PCDHA13: variants seen among roughly 807,000 people sequenced by gnomAD.
PCDHA13 encodes protocadherin alpha-13.
A neutral mutation model predicts 64.8 loss-of-function variants in PCDHA13; 54 were observed. That is an observed-to-expected ratio of 0.83 (90% CI 0.67 to 1.04). The LOEUF (loss-of-function observed/expected upper bound fraction) is 1.04, where lower values mean the gene tolerates loss of function less well. Among genes scored for constraint, PCDHA13 ranks in the 50% least tolerant of loss-of-function variants. The pLI, the probability that PCDHA13 is intolerant of heterozygous loss-of-function variation, is 0.00. For missense variants in PCDHA13, 1,248 were observed against 1,254.3 expected, an observed-to-expected ratio of 0.99 and a Z score of 0.08; for synonymous variants, 587 against 564.4, an observed-to-expected ratio of 1.04 and a Z score of -0.57.
chr5:140,906,192 C>G (rs2072444836), intron 1 of PCDHA13, among the ~76,000 whole-genome samples: 1 of 152,182 alleles, frequency 6.6e-6, no homozygotes, highest in Non-Finnish European at 1.5e-5. Context: ...TCAATCCAAT[C>G]AAGTTGACAC....
chr5:140,885,516 T>A (rs1235698672), intron 1 of PCDHA13, among the ~76,000 whole-genome samples: 2 of 152,198 alleles, frequency 1.3e-5, no homozygotes, highest in Non-Finnish European at 2.9e-5. Flanking sequence ...TGCTGTGCTA[T>A]CATTTCATAT....
chr5:140,968,996 G>A, intron 1 of PCDHA13: 1 of 1,614,202 alleles, frequency 6.2e-7, no homozygotes, highest in Non-Finnish European at 8.5e-7. Flanking sequence ...ATGCTGTGGA[G>A]GCTTCTGTGG....
chr5:141,004,806 T>C (rs1326385428), intron 3 of PCDHA13, among the ~76,000 whole-genome samples: 1 of 152,196 alleles, frequency 6.6e-6, no homozygotes, highest in Non-Finnish European at 1.5e-5. Flanking sequence ...CTGAGCTCAA[T>C]TGCAGATTTG....
At chr5:140,945,200 A>G (rs2093757745) in intron 1 of PCDHA13, among the ~76,000 whole-genome samples, 1 of 152,168 alleles carries the variant, frequency 6.6e-6, no homozygotes, top group South Asian at 2.1e-4. Context: ...GCTATTTACA[A>G]TAGCTATGAG....
At chr5:141,009,295 A>T (rs782350734) in intron 3 of PCDHA13, among the ~76,000 whole-genome samples, 13 of 152,030 alleles carry the variant, frequency 8.6e-5, no homozygotes, top group Admixed American at 3.9e-4. Context: ...TTTCTATAAA[A>T]TTTTTTTTAA....
chr5:140,902,786 C>G (rs1450809375), intron 1 of PCDHA13, among the ~76,000 whole-genome samples: 1 of 151,906 alleles, frequency 6.6e-6, no homozygotes, highest in Non-Finnish European at 1.5e-5. Flanking sequence ...TAGCTTAGCT[C>G]TCACTTGTAT....
At position 140,884,335 on chromosome 5, in the gene PCDHA13, A is replaced by G; in HGVS notation, c.2067A>G (p.Pro689=). The change falls in exon 1 of 4, where the codon CCA becomes CCG. Residue 689 remains proline (P), a synonymous_variant. Transcript: ENST00000289272. Reference sequence around the variant, plus strand: ...GGGCGTCGGCAGGCGCTGTGGGTCCAGAAGCGGCGCTGGTGGATGTCAATG... The same window carrying G: ...GGGCGTCGGCAGGCGCTGTGGGTCCGGAAGCGGCGCTGGTGGATGTCAATG... ...SSRASAGAVG[P]EAALVDVNVY... 1 of 1,613,888 alleles carries G rather than the reference A, an allele frequency of 6.2e-7. No individual in the cohort carries two copies. The highest frequency in any genetic ancestry group is 8.5e-7 in the Non-Finnish European group (1 of 1,179,862).
intron 1 of PCDHA13, among the ~76,000 whole-genome samples, chr5:140,914,897 TTG>T (rs1415652208): frequency 6.6e-6 from 1 of 151,972 alleles, no homozygotes; most frequent in East Asian, 1.9e-4. Context: ...GCTTTTAACT[TTG>T]TGTTGTTTCT....
At chr5:140,967,750 C>T (rs782284231) in intron 1 of PCDHA13, 3 of 1,614,072 alleles carry the variant, frequency 1.9e-6, no homozygotes, top group Non-Finnish European at 8.5e-7. Flanking sequence ...ATGAGGAAGC[C>T]TCCTCCTACC....
At chr5:140,926,752 C>G in intron 1 of PCDHA13, 2 of 1,254,462 alleles carry the variant, frequency 1.6e-6, no homozygotes, top group East Asian at 5.7e-5. Flanking sequence ...CGTCGGCGGT[C>G]GCTGAGTATC....
intron 1 of PCDHA13, among the ~76,000 whole-genome samples, chr5:140,886,624 G>A (rs1204732273): frequency 6.6e-6 from 1 of 151,636 alleles, no homozygotes; most frequent in African/African-American, 2.4e-5. Context: ...TCAGGAGTCC[G>A]AGACCAGCCT....
At chr5:140,915,531 T>C (rs1258680816) in intron 1 of PCDHA13, among the ~76,000 whole-genome samples, 1 of 152,150 alleles carries the variant, frequency 6.6e-6, no homozygotes, top group Non-Finnish European at 1.5e-5. Context: ...AGGTACCATC[T>C]TGGAGGTCTT....
chr5:140,927,536 G>A (rs1227240979), intron 1 of PCDHA13: 3 of 1,614,138 alleles, frequency 1.9e-6, no homozygotes, highest in Non-Finnish European at 2.5e-6. Context: ...GCCCGCTCAG[G>A]AGACGCACAA....
At chr5:140,921,165 A>T (rs959305878) in intron 1 of PCDHA13, among the ~76,000 whole-genome samples, 1 of 151,798 alleles carries the variant, frequency 6.6e-6, no homozygotes, top group Non-Finnish European at 1.5e-5. Flanking sequence ...TTTTTTTAAC[A>T]CACATAAAGC....
chr5:141,004,346 G>C (rs2098162740), intron 3 of PCDHA13, among the ~76,000 whole-genome samples: 1 of 152,212 alleles, frequency 6.6e-6, no homozygotes, highest in Non-Finnish European at 1.5e-5. Context: ...GTCTGTGAGG[G>C]ACTGGAGAGA....
At chr5:141,005,527 C>A (rs1448254191) in intron 3 of PCDHA13, among the ~76,000 whole-genome samples, 1 of 151,230 alleles carries the variant, frequency 6.6e-6, no homozygotes, top group Non-Finnish European at 1.5e-5. Context: ...CACGGTGAAA[C>A]CCCGTCTCTA....
chr5:140,928,480 G>A, intron 1 of PCDHA13: 2 of 1,614,146 alleles, frequency 1.2e-6, no homozygotes, highest in Non-Finnish European at 1.7e-6. Flanking sequence ...AGGCCGGGAT[G>A]GTGGCATTCC....
chr5:140,922,647 A>G (rs568444047), intron 1 of PCDHA13, among the ~76,000 whole-genome samples: 35 of 152,262 alleles, frequency 2.3e-4, no homozygotes, highest in Non-Finnish European at 4.6e-4. Context: ...ATCAAACAGT[A>G]AATATGGCTA....
At chr5:140,887,930 A>G (rs1276226662) in intron 1 of PCDHA13, among the ~76,000 whole-genome samples, 1 of 152,096 alleles carries the variant, frequency 6.6e-6, no homozygotes, top group Non-Finnish European at 1.5e-5. Context: ...CAGAGACCAT[A>G]TTTATTTCTT....
Sources: gnomAD v4.1 joint callset for allele counts (sites outside exome capture counted in the v4.1 genomes callset) on GRCh38, gnomAD v4.1.1 for gene constraint, MANE v1.5 for transcripts, NCBI Gene and HGNC (gene_info 2026-07-23, HGNC 2026-07-21) for gene names.